SPDYE12: variants seen among roughly 807,000 people sequenced by gnomAD.
The protein encoded by SPDYE12 is speedy protein E12.
the SPDYE12 span, among the ~76,000 whole-genome samples, chr7:74,908,011 G>A: frequency 6.6e-6 from 1 of 151,008 alleles, no homozygotes; most frequent in African/African-American, 2.4e-5. Flanking sequence ...AGTAATCAGG[G>A]GAGATGACCT....
At chr7:74,909,135 C>A in the SPDYE12 span, among the ~76,000 whole-genome samples, 1 of 142,392 alleles carries the variant, frequency 7.0e-6, no homozygotes, top group East Asian at 2.1e-4. Context: ...CATACTGCAA[C>A]CTCCACCTCC....
chr7:74,907,504 G>A, the SPDYE12 span, among the ~76,000 whole-genome samples: 1 of 151,288 alleles, frequency 6.6e-6, no homozygotes, highest in Non-Finnish European at 1.5e-5. Context: ...GGCTGAAGCA[G>A]GTGGATTGCT....
the SPDYE12 span, among the ~76,000 whole-genome samples, chr7:74,909,053 CTTTTT>C: frequency 5.0e-4 from 23 of 46,272 alleles, no homozygotes; most frequent in African/African-American, 1.6e-3. Flanking sequence ...TTTTTTTTGG[CTTTTT>C]TTTTTTTTTT....
At chr7:74,908,712 C>T in the SPDYE12 span, among the ~76,000 whole-genome samples, 3 of 125,016 alleles carry the variant, frequency 2.4e-5, no homozygotes, top group South Asian at 2.7e-4. Flanking sequence ...CTCATTCTGT[C>T]GCCCAGGCTG....
chr7:74,910,463 G>A, the SPDYE12 span, among the ~76,000 whole-genome samples: 1 of 148,482 alleles, frequency 6.7e-6, no homozygotes, highest in African/African-American at 2.5e-5. Flanking sequence ...GCCAAGGCGG[G>A]TGGATCACCT....
At chr7:74,908,821 C>T in the SPDYE12 span, among the ~76,000 whole-genome samples, 2 of 148,168 alleles carry the variant, frequency 1.3e-5, no homozygotes, top group South Asian at 2.1e-4. Context: ...CTACAGGCGC[C>T]CGCCACCACA....
At chr7:74,907,595 G>A in the SPDYE12 span, among the ~76,000 whole-genome samples, 6 of 150,504 alleles carry the variant, frequency 4.0e-5, no homozygotes, top group Admixed American at 2.0e-4. Context: ...AGCCTGGTGC[G>A]GTGGCACACC....
chr7:74,909,377 G>A, the SPDYE12 span: 5 of 1,445,182 alleles, frequency 3.5e-6, no homozygotes, highest in South Asian at 5.8e-5. Flanking sequence ...AGAAATAACA[G>A]TCTAAGATAC....
At chr7:74,910,053 C>G in the SPDYE12 span, among the ~76,000 whole-genome samples, 2 of 149,828 alleles carry the variant, frequency 1.3e-5, no homozygotes, top group Non-Finnish European at 3.0e-5. Context: ...AGAATCCTGA[C>G]GGAGATGCTG....
At chr7:74,904,774 A>C in the SPDYE12 span, among the ~76,000 whole-genome samples, 46 of 149,750 alleles carry the variant, frequency 3.1e-4, no homozygotes, top group Non-Finnish European at 6.2e-4. Flanking sequence ...ATTTAAAATA[A>C]TATTTAAAGT....
chr7:74,909,368 G>C, the SPDYE12 span, among the ~76,000 whole-genome samples: 1 of 151,466 alleles, frequency 6.6e-6, no homozygotes, highest in African/African-American at 2.4e-5. Context: ...TTTCTTTTTA[G>C]AAATAACAGT....
the SPDYE12 span, chr7:74,910,779 G>C: frequency 7.4e-7 from 1 of 1,346,212 alleles, no homozygotes; most frequent in Non-Finnish European, 1.1e-6. Context: ...TGGAAGCTGC[G>C]CCCTCCCCCT....
At chr7:74,909,717 C>A in the SPDYE12 span, 13 of 1,463,688 alleles carry the variant, frequency 8.9e-6, no homozygotes, top group Non-Finnish European at 1.2e-5. Context: ...AGAGAAGGGA[C>A]CTCAGCATTG....
At chr7:74,908,047 A>T in the SPDYE12 span, among the ~76,000 whole-genome samples, 4 of 150,834 alleles carry the variant, frequency 2.7e-5, no homozygotes, top group Non-Finnish European at 5.9e-5. Context: ...TTATAATAGG[A>T]TGTAACTGGA....
the SPDYE12 span, among the ~76,000 whole-genome samples, chr7:74,908,961 G>A: frequency 4.1e-5 from 6 of 147,576 alleles, 1 homozygote; most frequent in Non-Finnish European, 6.0e-5. Context: ...GATTACAGGC[G>A]TGAGCCACCG....
chr7:74,908,754 A>T, the SPDYE12 span, among the ~76,000 whole-genome samples: 1 of 126,272 alleles, frequency 7.9e-6, no homozygotes, highest in African/African-American at 3.0e-5. Flanking sequence ...GCTCACTGCA[A>T]GCTCCGCCTC....
chr7:74,907,934 C>T, the SPDYE12 span, among the ~76,000 whole-genome samples: 11 of 149,034 alleles, frequency 7.4e-5, no homozygotes, highest in East Asian at 2.2e-3. Flanking sequence ...AAAAAAAAAG[C>T]AATTGAATAC....
chr7:74,907,438 A>G, the SPDYE12 span, among the ~76,000 whole-genome samples: 7 of 151,506 alleles, frequency 4.6e-5, no homozygotes, highest in African/African-American at 1.7e-4. Flanking sequence ...TCTATTAAAA[A>G]TATAAAAAAT....
chr7:74,906,227 A>C, the SPDYE12 span, among the ~76,000 whole-genome samples: 1 of 143,016 alleles, frequency 7.0e-6, no homozygotes, highest in East Asian at 2.0e-4. Flanking sequence ...TCTGTGCTCA[A>C]CATGGTTAGC....
Sources: allele counts gnomAD v4.1 joint callset (sites outside exome capture counted in the v4.1 genomes callset), GRCh38; gene constraint gnomAD v4.1.1; transcripts MANE v1.5; gene names NCBI Gene and HGNC (gene_info 2026-07-23, HGNC 2026-07-21).